Variants in MTUS1 observed in about 807,000 individuals in gnomAD.
The protein encoded by MTUS1 is microtubule-associated tumor suppressor 1.
Under a neutral mutation model 120.8 loss-of-function variants are expected in MTUS1, and 109 were observed. The observed-to-expected ratio is 0.90, with a 90% CI of 0.77 to 1.06. The LOEUF is 1.06. Among genes scored for constraint, MTUS1 ranks in the 50% least tolerant of loss-of-function variants. MTUS1 has a pLI of 0.00. For missense variants in MTUS1, 2,210 were observed against 1,486.3 expected (o/e 1.49, Z -8.01); for synonymous variants, 737 against 550.5 (o/e 1.34, Z -4.74).
intron 6 of MTUS1, among the ~76,000 whole-genome samples, chr8:17,700,795 C>G (rs1018770385): frequency 6.6e-6 from 1 of 150,808 alleles, no homozygotes; most frequent in African/African-American, 2.4e-5. Flanking sequence ...CATAATGACA[C>G]AAAGAAAAAT....
intron 1 of MTUS1, among the ~76,000 whole-genome samples, chr8:17,771,649 T>C (rs71526156): frequency 0.031 from 4,787 of 152,310 alleles, 90 homozygotes; most frequent in Non-Finnish European, 0.041. Flanking sequence ...CCAAGAAGTC[T>C]TGCAAGCAGG....
chr8:17,674,222 C>T (rs537941371), intron 8 of MTUS1, among the ~76,000 whole-genome samples: 3 of 152,128 alleles, frequency 2.0e-5, no homozygotes, highest in South Asian at 4.2e-4. Context: ...GAGATGGAGA[C>T]CCTCCTGGCC....
chr8:17,782,420 C>T (rs941526166), intron 1 of MTUS1, among the ~76,000 whole-genome samples: 4 of 152,164 alleles, frequency 2.6e-5, no homozygotes, highest in African/African-American at 4.8e-5. Flanking sequence ...ACATTATCTT[C>T]TGCTACGCCT....
chr8:17,765,905 T>C (rs997245451), intron 1 of MTUS1, among the ~76,000 whole-genome samples: 53 of 152,072 alleles, frequency 3.5e-4, no homozygotes, highest in African/African-American at 1.3e-3. Flanking sequence ...CAAACAGAAA[T>C]AGCACCAAAA....
At chr8:17,721,602 A>G in intron 4 of MTUS1, 1 of 1,306,966 alleles carries the variant, frequency 7.7e-7, no homozygotes, top group South Asian at 1.7e-5. Flanking sequence ...TACTACCATT[A>G]CCATAAATTA....
At chr8:17,657,754 G>A (rs1339448397) in intron 8 of MTUS1, among the ~76,000 whole-genome samples, 1 of 136,944 alleles carries the variant, frequency 7.3e-6, no homozygotes. Context: ...TTGAGCTCAG[G>A]AGATTGAGGC....
chr8:17,725,762 AT>A (rs2046190444), intron 3 of MTUS1, among the ~76,000 whole-genome samples: 1 of 152,180 alleles, frequency 6.6e-6, no homozygotes, highest in Admixed American at 6.5e-5. Context: ...TTCTTAGAAC[AT>A]TATGAGATTT....
chr8:17,676,908 C>G (rs1329708612), intron 7 of MTUS1, among the ~76,000 whole-genome samples: 1 of 152,110 alleles, frequency 6.6e-6, no homozygotes, highest in Admixed American at 6.6e-5. Context: ...AAGTGCTGAT[C>G]TGAGAGTTGG....
chr8:17,785,346 T>C (rs1364217487), intron 1 of MTUS1, among the ~76,000 whole-genome samples: 1 of 152,190 alleles, frequency 6.6e-6, no homozygotes, highest in African/African-American at 2.4e-5. Context: ...CAGTGAAATG[T>C]CACTTCCAGA....
intron 8 of MTUS1, among the ~76,000 whole-genome samples, chr8:17,661,792 C>T (rs1313691225): frequency 6.6e-6 from 1 of 152,110 alleles, no homozygotes; most frequent in East Asian, 1.9e-4. Flanking sequence ...AAGCAGCAGG[C>T]CCAGCCCCAG....
At chr8:17,648,796 C>A (rs1021820822) in intron 13 of MTUS1, among the ~76,000 whole-genome samples, 1 of 152,182 alleles carries the variant, frequency 6.6e-6, no homozygotes, top group Non-Finnish European at 1.5e-5. Flanking sequence ...CTTGTAGAAG[C>A]CTGAGTCACT....
At position 17,747,147 on chromosome 8, in the gene MTUS1, A is replaced by C. The variant is rs1043972906; in HGVS notation, c.2092-3348T>G. Reference sequence around the variant, plus strand: ...TAACATCTTCTTCACAAGGCCCAGCAATCCTTTTGCATATGGAAGCCCCTG... The same window carrying C: ...TAACATCTTCTTCACAAGGCCCAGCCATCCTTTTGCATATGGAAGCCCCTG... On this transcript the variant is annotated intron_variant, in intron 2 of 14. Transcript: ENST00000693296. Among the ~76,000 whole-genome samples the C allele has an allele frequency of 2.6e-5, 4 of 152,174 alleles. No homozygotes were observed. The East Asian group carries it at 7.7e-4, about 29-fold the overall frequency.
At chr8:17,743,546 T>C (rs886610840) in intron 3 of MTUS1, 58 bp downstream of exon 3, 1 of 1,526,620 alleles carries the variant, frequency 6.6e-7, no homozygotes, top group Non-Finnish European at 8.9e-7. Context: ...CCTATAATCA[T>C]GACTGTCCAA....
intron 2 of MTUS1, chr8:17,748,230 G>C (rs1296659904): frequency 6.6e-6 from 1 of 152,336 alleles, no homozygotes; most frequent in African/African-American, 2.4e-5. Flanking sequence ...CTTTGGAGGA[G>C]AGATGGCTTA....
In MTUS1 at chr8:17,772,821, A is replaced by G. The variant is rs76858408; in HGVS notation, c.-154-16860T>C. Among the ~76,000 whole-genome samples, 7 of 152,346 alleles carry G rather than the reference A, an allele frequency of 4.6e-5. No homozygotes were observed. In the East Asian group the frequency reaches 1.3e-3, roughly 29 times the overall value. On this transcript the variant is annotated intron_variant, in intron 1 of 14. Coordinates refer to ENST00000693296, the MANE Select transcript of MTUS1 (RefSeq NM_001363059.2). ...ATCACCTGTAATTCAGCACCAAAAA[A>G]ACACACAAAGGAATAAAAGGTAAGG...
chr8:17,695,137 T>A (rs1817700688), intron 6 of MTUS1, among the ~76,000 whole-genome samples: 1 of 152,176 alleles, frequency 6.6e-6, no homozygotes, highest in East Asian at 1.9e-4. Flanking sequence ...GACGGACGAT[T>A]TCTCGGACGT....
intron 1 of MTUS1, among the ~76,000 whole-genome samples, chr8:17,798,486 A>C (rs7819439): frequency 0.82 from 124,627 of 151,720 alleles, 51,597 homozygotes; most frequent in Non-Finnish European, 0.85. Flanking sequence ...ATCCATGCCA[A>C]CACAATTGAC....
intron 13 of MTUS1, among the ~76,000 whole-genome samples, chr8:17,648,214 T>C (rs1225350965): frequency 1.3e-5 from 2 of 152,192 alleles, no homozygotes; most frequent in Non-Finnish European, 2.9e-5. Context: ...CTAAGTCTCT[T>C]AATTTCATCA....
intron 1 of MTUS1, among the ~76,000 whole-genome samples, chr8:17,787,373 A>C (rs1337144251): frequency 6.6e-6 from 1 of 152,216 alleles, no homozygotes; most frequent in African/African-American, 2.4e-5. Context: ...GCTAAACCTG[A>C]TGTTTCCAGA....
Sources: allele counts gnomAD v4.1 joint callset (sites outside exome capture counted in the v4.1 genomes callset), GRCh38; gene constraint gnomAD v4.1.1; transcripts MANE v1.5; gene names NCBI Gene and HGNC (gene_info 2026-07-23, HGNC 2026-07-21).